LRRC7: variants seen among roughly 807,000 people sequenced by gnomAD.
LRRC7 encodes leucine rich repeat containing 7.
LRRC7 carries 23 observed loss-of-function variants against 175.7 expected under a neutral mutation model. That is an observed-to-expected ratio of 0.13 (90% CI 0.09 to 0.19). LRRC7 has a LOEUF of 0.19. Ranked by LOEUF, LRRC7 falls within the 10% of genes least tolerant of loss-of-function variation. The pLI is 1.00. For synonymous variants in LRRC7, 685 were observed against 680.9 expected (o/e 1.01, Z -0.09); for missense variants, 1,354 against 1,904.7 (o/e 0.71, Z 5.38).
At chr1:69,706,836 A>G (rs967015931) in intron 2 of LRRC7, among the ~76,000 whole-genome samples, 3 of 152,174 alleles carry the variant, frequency 2.0e-5, no homozygotes, top group African/African-American at 7.2e-5. Context: ...AGAACACACT[A>G]CCTATGTCAT....
chr1:69,626,389 A>G (rs2100347705), intron 1 of LRRC7, among the ~76,000 whole-genome samples: 1 of 151,578 alleles, frequency 6.6e-6, no homozygotes, highest in Admixed American at 6.6e-5. Context: ...GAATCTAAAA[A>G]AAAAAAAAAA....
At chr1:69,788,448 C>A (rs1674745483) in intron 3 of LRRC7, among the ~76,000 whole-genome samples, 2 of 152,116 alleles carry the variant, frequency 1.3e-5, no homozygotes, top group African/African-American at 2.4e-5. Context: ...ATACCTTTAT[C>A]TTTAGTGCTG....
At chr1:69,872,165 T>C (rs1445259992) in intron 7 of LRRC7, among the ~76,000 whole-genome samples, 1 of 152,038 alleles carries the variant, frequency 6.6e-6, no homozygotes, top group Non-Finnish European at 1.5e-5. Context: ...TGTCTGAGCA[T>C]ATCCAACGTT....
intron 25 of LRRC7, among the ~76,000 whole-genome samples, chr1:70,099,065 A>G (rs1216706877): frequency 2.0e-5 from 3 of 149,986 alleles, no homozygotes; most frequent in African/African-American, 7.3e-5. Flanking sequence ...TGATGCAAAA[A>G]TCCTCAATAA....
intron 1 of LRRC7, among the ~76,000 whole-genome samples, chr1:69,590,762 G>T (rs974755873): frequency 1.3e-5 from 2 of 152,078 alleles, no homozygotes; most frequent in African/African-American, 4.8e-5. Flanking sequence ...GATAGTCTCT[G>T]GTTCCAGCCA....
chr1:69,633,538 C>T (rs539772588), intron 1 of LRRC7, among the ~76,000 whole-genome samples: 215 of 152,162 alleles, frequency 1.4e-3, no homozygotes, highest in Non-Finnish European at 2.5e-3. Flanking sequence ...AATCAATTCT[C>T]CTGCCTCAGC....
chr1:69,952,836 G>A (rs986021190), intron 8 of LRRC7, among the ~76,000 whole-genome samples: 1 of 151,650 alleles, frequency 6.6e-6, no homozygotes, highest in Admixed American at 6.6e-5. Context: ...TGCTGTGGGA[G>A]CCCTCCTTTG....
chr1:70,079,868 C>T (rs376560957), intron 24 of LRRC7, among the ~76,000 whole-genome samples: 4 of 152,172 alleles, frequency 2.6e-5, no homozygotes, highest in African/African-American at 4.8e-5. Flanking sequence ...ATTATATAAC[C>T]GGTCCTGCTT....
intron 7 of LRRC7, chr1:69,919,850 G>A (rs1005087398): frequency 1.0e-5 from 7 of 685,516 alleles, no homozygotes; most frequent in Admixed American, 5.0e-5. Context: ...AGGATTGGGG[G>A]CCCAGGCCTG....
intron 24 of LRRC7, among the ~76,000 whole-genome samples, chr1:70,088,436 C>A (rs78814913): frequency 0.026 from 3,907 of 152,124 alleles, 115 homozygotes; most frequent in African/African-American, 0.07. Flanking sequence ...GTGGCATACA[C>A]CTGTAAGTCT....
intron 1 of LRRC7, among the ~76,000 whole-genome samples, chr1:69,619,771 A>G (rs1219311872): frequency 2.0e-5 from 3 of 152,146 alleles, no homozygotes; most frequent in Non-Finnish European, 4.4e-5. Flanking sequence ...AACTTCTCTG[A>G]TAAGATTGGT....
chr1:69,928,804 G>C (rs2421316), intron 7 of LRRC7, among the ~76,000 whole-genome samples: 2 of 152,016 alleles, frequency 1.3e-5, no homozygotes, highest in African/African-American at 4.8e-5. Context: ...TGCACAGTGC[G>C]CTGCGCCCAC....
At chr1:70,093,996 C>T (rs1664215860) in intron 25 of LRRC7, among the ~76,000 whole-genome samples, 1 of 152,124 alleles carries the variant, frequency 6.6e-6, no homozygotes, top group Non-Finnish European at 1.5e-5. Context: ...ATTCACAAAA[C>T]TCATCATTCA....
intron 2 of LRRC7, among the ~76,000 whole-genome samples, chr1:69,740,638 T>G (rs1002128925): frequency 6.6e-6 from 1 of 152,056 alleles, no homozygotes; most frequent in East Asian, 1.9e-4. Flanking sequence ...GCTCTGCGTT[T>G]GCCTTATTCG....
intron 4 of LRRC7, among the ~76,000 whole-genome samples, chr1:69,822,625 T>C (rs1315732109): frequency 1.3e-5 from 2 of 152,184 alleles, no homozygotes; most frequent in Non-Finnish European, 2.9e-5. Flanking sequence ...TCCCACACAG[T>C]TGGGCAAGCC....
chr1:70,045,921 T>C (rs910381602), intron 22 of LRRC7, among the ~76,000 whole-genome samples: 2 of 152,140 alleles, frequency 1.3e-5, no homozygotes, highest in Admixed American at 1.3e-4. Flanking sequence ...CATGATTCAA[T>C]TGTCTCCACC....
chr1:69,596,391 C>G (rs2100977796), intron 1 of LRRC7, among the ~76,000 whole-genome samples: 1 of 152,240 alleles, frequency 6.6e-6, no homozygotes. Context: ...ATGTAATGTC[C>G]CTGTGCCTAT....
At chr1:69,701,847 A>G (rs1663394935) in intron 2 of LRRC7, among the ~76,000 whole-genome samples, 1 of 152,218 alleles carries the variant, frequency 6.6e-6, no homozygotes, top group South Asian at 2.1e-4. Flanking sequence ...TGCACAGAGG[A>G]TATTCATAAC....
At chr1:69,583,182 C>T (rs913536861) in intron 1 of LRRC7, among the ~76,000 whole-genome samples, 1 of 151,634 alleles carries the variant, frequency 6.6e-6, no homozygotes, top group African/African-American at 2.4e-5. Context: ...TTCATAAAGC[C>T]TTAAATTCCC....
Sources: allele counts gnomAD v4.1 joint callset (sites outside exome capture counted in the v4.1 genomes callset), GRCh38; gene constraint gnomAD v4.1.1; transcripts MANE v1.5; gene names NCBI Gene and HGNC (gene_info 2026-07-23, HGNC 2026-07-21).